Variants in KCNN2 observed in about 807,000 individuals in gnomAD.
The protein encoded by KCNN2 is small conductance calcium-activated potassium channel protein 2.
KCNN2 carries 24 observed loss-of-function variants against 55.5 expected under a neutral mutation model. The ratio of observed to expected loss-of-function variants is 0.43; its 90% CI spans 0.31 to 0.61. The LOEUF is 0.61. KCNN2 is among the 20% of genes least tolerant of loss of function. KCNN2 has a pLI of 0.08. For missense variants in KCNN2, 754 were observed against 853.6 expected (o/e 0.88, Z 1.45); for synonymous variants, 431 against 336.1 (o/e 1.28, Z -3.09).
At chr5:114,432,753 G>A (rs1415080860) in intron 3 of KCNN2, among the ~76,000 whole-genome samples, 4 of 152,332 alleles carry the variant, frequency 2.6e-5, no homozygotes, top group Middle Eastern at 3.4e-3. Context: ...GTGGGCGTGG[G>A]CTTGGCAGGC....
chr5:114,443,110 G>A (rs540712944), intron 3 of KCNN2, among the ~76,000 whole-genome samples: 42 of 152,174 alleles, frequency 2.8e-4, no homozygotes, highest in African/African-American at 1.0e-3. Context: ...GACCAACATG[G>A]TGAAACCCTG....
intron 1 of KCNN2, among the ~76,000 whole-genome samples, chr5:114,090,962 T>C (rs539866698): frequency 1.3e-5 from 2 of 152,292 alleles, no homozygotes; most frequent in South Asian, 2.1e-4. Flanking sequence ...CTCAGCCTTC[T>C]GAGTGGCTGG....
intron 3 of KCNN2, among the ~76,000 whole-genome samples, chr5:114,451,612 C>G (rs1319816120): frequency 6.6e-6 from 1 of 152,076 alleles, no homozygotes; most frequent in East Asian, 1.9e-4. Context: ...TATAAAAATT[C>G]AAGGCTGGAG....
intron 2 of KCNN2, among the ~76,000 whole-genome samples, chr5:114,384,329 A>C (rs1433734510): frequency 1.3e-5 from 2 of 152,200 alleles, no homozygotes; most frequent in African/African-American, 4.8e-5. Context: ...TTTATCCATA[A>C]TTAGTTGTTC....
At chr5:114,276,658 ATT>A (rs141201743) in intron 2 of KCNN2, among the ~76,000 whole-genome samples, 5 of 130,448 alleles carry the variant, frequency 3.8e-5, no homozygotes, top group Admixed American at 2.4e-4. Context: ...CAACCCCTGC[ATT>A]TTTTTTTTTT....
chr5:114,206,604 C>T (rs576652336), intron 1 of KCNN2, among the ~76,000 whole-genome samples: 45 of 152,204 alleles, frequency 3.0e-4, no homozygotes, highest in African/African-American at 1.1e-3. Flanking sequence ...TTAGCCTTTC[C>T]AGACCCTCAG....
rs768434890 is a variant in KCNN2, at chr5:114,363,777, C to T, written c.1123-129C>T. The T allele has an allele frequency of 1.1e-5, 7 of 654,472 alleles. No homozygotes were observed. The Admixed American group carries it at 1.3e-4, about 12-fold the overall frequency. 40.5% of individuals were successfully genotyped at this position (654,472 alleles called of 1,614,324 possible). A position where few individuals can be genotyped will look rare whatever the true frequency, so the allele number is the denominator to read the frequency against. On this transcript the variant is annotated intron_variant, in intron 1 of 7. Coordinates refer to ENST00000673685, the MANE Select transcript of KCNN2 (RefSeq NM_021614.4). ...ACAGATCACAGAGCCAAGACAGGTG[C>T]ACCCCTCTCCCCTTATCTTCCTTCT...
At chr5:114,483,287 T>A (rs1230684423) in intron 5 of KCNN2, among the ~76,000 whole-genome samples, 1 of 149,768 alleles carries the variant, frequency 6.7e-6, no homozygotes, top group South Asian at 2.1e-4. Flanking sequence ...TTTTTTTTTT[T>A]TTTTTGAGAG....
rs1209864170 is a variant in KCNN2, at chr5:114,404,412, G to C, written c.1219-26G>C. On this transcript the variant is annotated intron_variant, in intron 2 of 7. Transcript: ENST00000673685. ...TGTGGACCATTCATGCCATACTGAA[G>C]CTGATTTTCTACTTTATTTTTTCAG... 5.7e-6 allele frequency: 9 copies of C among 1,592,854 alleles called. No individual in the cohort carries two copies. In the Admixed American group the frequency reaches 1.4e-4, roughly 24 times the overall value.
chr5:114,162,298 T>C (rs963285004), intron 1 of KCNN2, among the ~76,000 whole-genome samples: 2 of 152,152 alleles, frequency 1.3e-5, no homozygotes, highest in Non-Finnish European at 2.9e-5. Context: ...GTATCAGCAG[T>C]GGTGGCTGCA....
chr5:114,484,201 A>G (rs148516671), intron 5 of KCNN2, among the ~76,000 whole-genome samples: 297 of 152,274 alleles, frequency 2.0e-3, no homozygotes, highest in Non-Finnish European at 3.3e-3. Context: ...GATTAGTGAT[A>G]TGACCCCTGA....
chr5:114,445,359 G>T (rs1295624426), intron 3 of KCNN2, among the ~76,000 whole-genome samples: 1 of 152,156 alleles, frequency 6.6e-6, no homozygotes, highest in Admixed American at 6.5e-5. Flanking sequence ...TTCAATTGTA[G>T]ATGTCAACAT....
chr5:114,328,130 A>C (rs1467231053), intron 2 of KCNN2, among the ~76,000 whole-genome samples: 2 of 152,168 alleles, frequency 1.3e-5, no homozygotes, highest in African/African-American at 2.4e-5. Context: ...TGTAAAAGTC[A>C]ATTTATGCGT....
At chr5:114,098,845 C>T (rs1291180721) in intron 1 of KCNN2, among the ~76,000 whole-genome samples, 1 of 152,052 alleles carries the variant, frequency 6.6e-6, no homozygotes, top group East Asian at 1.9e-4. Flanking sequence ...CATTTGGTTA[C>T]ATACATAGTT....
At chr5:114,438,582 G>A (rs1342215348) in intron 3 of KCNN2, among the ~76,000 whole-genome samples, 1 of 152,090 alleles carries the variant, frequency 6.6e-6, no homozygotes, top group Non-Finnish European at 1.5e-5. Flanking sequence ...GGGTAGTTTA[G>A]CCATGCCAAC....
intron 2 of KCNN2, among the ~76,000 whole-genome samples, chr5:114,401,838 G>A (rs1758797590): frequency 6.6e-6 from 1 of 152,206 alleles, no homozygotes. Context: ...CAATGAAGTT[G>A]GAGAGATAGG....
intron 2 of KCNN2, among the ~76,000 whole-genome samples, chr5:114,388,392 G>A (rs1248060504): frequency 1.3e-5 from 2 of 152,034 alleles, no homozygotes; most frequent in Admixed American, 1.3e-4. Flanking sequence ...GTTTAAGGTT[G>A]ATCAGAATTT....
chr5:114,284,783 G>A (rs1278035669), intron 2 of KCNN2, among the ~76,000 whole-genome samples: 3 of 151,854 alleles, frequency 2.0e-5, no homozygotes, highest in African/African-American at 4.8e-5. Flanking sequence ...CTCCCAAAGT[G>A]CTAGGATTAC....
At chr5:114,458,214 T>A (rs1322119207) in intron 3 of KCNN2, among the ~76,000 whole-genome samples, 1 of 152,236 alleles carries the variant, frequency 6.6e-6, no homozygotes, top group Non-Finnish European at 1.5e-5. Context: ...TAACTATGGC[T>A]GACATTTGAG....
Sources: allele counts gnomAD v4.1 joint callset (sites outside exome capture counted in the v4.1 genomes callset), GRCh38; gene constraint gnomAD v4.1.1; transcripts MANE v1.5; gene names NCBI Gene and HGNC (gene_info 2026-07-23, HGNC 2026-07-21).